The following DACH1 variants were observed in gnomAD, a reference collection of about 807,000 sequenced individuals.
DACH1 encodes dachshund family transcription factor 1, also known as dachshund homolog 1.
DACH1 carries 12 observed loss-of-function variants against 54.2 expected under a neutral mutation model. The ratio of observed to expected loss-of-function variants is 0.22; its 90% CI spans 0.14 to 0.36. The LOEUF is 0.36. Ranked by LOEUF, DACH1 falls within the 10% of genes least tolerant of loss-of-function variation. The pLI is 1.00. For missense variants in DACH1, 805 were observed against 929.8 expected, an observed-to-expected ratio of 0.87 and a Z score of 1.75; for synonymous variants, 386 against 366.2, an observed-to-expected ratio of 1.05 and a Z score of -0.62.
chr13:71,479,320 T>A lies in DACH1; in HGVS notation c.1723-4A>T. On this transcript the variant is annotated splice_region_variant and splice_polypyrimidine_tract_variant and intron_variant, in intron 7 of 10. Transcript: ENST00000613252. ...CTATGGCAACTTTCAACAGCCCCTG[T>A]ACAAAGAAGATATTCGGAATGGTAA... is the stretch of plus-strand genomic sequence containing the variant. The A allele has an allele frequency of 6.2e-7, 1 of 1,603,160 alleles. No homozygotes were observed. The highest frequency in any genetic ancestry group is 8.5e-7 in the Non-Finnish European group (1 of 1,177,278).
intron 3 of DACH1, among the ~76,000 whole-genome samples, chr13:71,620,160 A>T (rs2138540045): frequency 2.0e-5 from 3 of 152,104 alleles, no homozygotes; most frequent in Admixed American, 2.0e-4. Context: ...TAATAAGGCC[A>T]TTTCCAAAAA....
At chr13:71,510,698 G>A (rs1345279031) in intron 6 of DACH1, among the ~76,000 whole-genome samples, 2 of 152,004 alleles carry the variant, frequency 1.3e-5, no homozygotes, top group East Asian at 3.9e-4. Flanking sequence ...TTTAAGGCTT[G>A]ATTCATGTAA....
intron 1 of DACH1, among the ~76,000 whole-genome samples, chr13:71,775,357 G>C (rs1886025186): frequency 6.6e-6 from 1 of 151,690 alleles, no homozygotes; most frequent in Admixed American, 6.6e-5. Context: ...ACAGATAACA[G>C]TTATTCTGGT....
chr13:71,856,687 GTCTT>G (rs1555329915), intron 1 of DACH1, among the ~76,000 whole-genome samples: 2 of 151,770 alleles, frequency 1.3e-5, no homozygotes, highest in African/African-American at 2.4e-5. Context: ...TTTTATAAGC[GTCTT>G]TCTATGTTGC....
In DACH1 at chr13:71,866,735, T is replaced by A; in HGVS notation, c.35A>T (p.Gln12Leu). The part of the protein sequence containing the change: ...AVPAALIPPT[Q>L]LVPPQPPIST... ...GATTGGGGGTTGAGGGGGGACCAGC[T>A]GGGTCGGAGGGATCAAAGCCGCCGG... Residue 12 changes from glutamine to leucine, a missense_variant, in exon 1 of 11, where the codon CAG (glutamine) becomes CTG (leucine). Physicochemically the swap from Gln to Leu is moderately radical, Grantham distance 113 (BLOSUM62 -2). This residue lies in a region of DACH1 where 305 missense variants were observed against 308.7 expected (regional missense o/e 0.99). Coordinates refer to ENST00000613252, the MANE Select transcript of DACH1 (RefSeq NM_080759.6). 1 of 1,432,666 alleles carries A rather than the reference T, an allele frequency of 7.0e-7. No individual in the cohort carries two copies. The highest frequency in any genetic ancestry group is 1.6e-5 in the South Asian group (1 of 60,736). The allele number at this position is 1,432,666 out of a possible 1,614,324, so 88.7% of individuals were successfully genotyped here.
At chr13:71,644,946 G>C (rs958439016) in intron 2 of DACH1, among the ~76,000 whole-genome samples, 2 of 152,164 alleles carry the variant, frequency 1.3e-5, no homozygotes, top group African/African-American at 4.8e-5. Context: ...GGAGACTTCT[G>C]AGAAGAGACC....
At chr13:71,553,549 T>TTA (rs1188595454) in intron 6 of DACH1, among the ~76,000 whole-genome samples, 55 of 145,930 alleles carry the variant, frequency 3.8e-4, no homozygotes, top group South Asian at 1.9e-3. Context: ...AACTTTTGTT[T>TTA]TATATATATA....
At chr13:71,769,080 A>G (rs1258481902) in intron 1 of DACH1, among the ~76,000 whole-genome samples, 3 of 151,814 alleles carry the variant, frequency 2.0e-5, no homozygotes, top group African/African-American at 7.2e-5. Context: ...TGCAACTTGT[A>G]TAAGCATTCA....
chr13:71,552,783 A>ATG (rs1883902873), intron 6 of DACH1, among the ~76,000 whole-genome samples: 2 of 113,340 alleles, frequency 1.8e-5, no homozygotes, highest in Non-Finnish European at 3.5e-5. Context: ...ATATATATAT[A>ATG]TGGATGTGAA....
At chr13:71,777,009 A>G (rs577138829) in intron 1 of DACH1, among the ~76,000 whole-genome samples, 1 of 152,238 alleles carries the variant, frequency 6.6e-6, no homozygotes, top group African/African-American at 2.4e-5. Context: ...GCCTATTCAT[A>G]GTTTTCTGTC....
intron 3 of DACH1, among the ~76,000 whole-genome samples, chr13:71,602,089 G>A (rs1472879589): frequency 2.0e-5 from 3 of 151,902 alleles, no homozygotes; most frequent in Non-Finnish European, 2.9e-5. Flanking sequence ...ATGGATACCT[G>A]ACCAGCTGGC....
In DACH1 at chr13:71,548,659, G is replaced by A. The variant is rs942079370; in HGVS notation, c.1570+8365C>T. Among the ~76,000 whole-genome samples, 8 of 152,226 alleles carry A rather than the reference G, an allele frequency of 5.3e-5. No individual in the cohort carries two copies. In the South Asian group the frequency reaches 6.2e-4, roughly 12 times the overall value. On this transcript the variant is annotated intron_variant, in intron 6 of 10. Coordinates refer to ENST00000613252, the MANE Select transcript of DACH1 (RefSeq NM_080759.6). ...CAGGCACTGTGTGGTGCTCACGCCTGTAATCTCAGCACTTTGGGATGCTGA... is the reference window on the plus strand; with the variant it reads ...CAGGCACTGTGTGGTGCTCACGCCTATAATCTCAGCACTTTGGGATGCTGA...
chr13:71,777,425 C>G (rs1203439562), intron 1 of DACH1, among the ~76,000 whole-genome samples: 1 of 152,006 alleles, frequency 6.6e-6, no homozygotes, highest in Non-Finnish European at 1.5e-5. Flanking sequence ...ACAAAATTTT[C>G]AAAAATTTTA....
intron 6 of DACH1, among the ~76,000 whole-genome samples, chr13:71,531,506 C>G (rs550419087): frequency 6.6e-6 from 1 of 151,988 alleles, no homozygotes; most frequent in African/African-American, 2.4e-5. Context: ...ACTTTATAAT[C>G]TCATATGAGA....
chr13:71,560,877 TAATA>T (rs1279980326), intron 4 of DACH1, among the ~76,000 whole-genome samples: 5 of 152,158 alleles, frequency 3.3e-5, no homozygotes, highest in African/African-American at 1.2e-4. Flanking sequence ...GTCTTTGTAA[TAATA>T]AATAGTTAAA....
intron 3 of DACH1, among the ~76,000 whole-genome samples, chr13:71,627,184 A>G (rs984914654): frequency 2.0e-5 from 3 of 151,936 alleles, no homozygotes; most frequent in African/African-American, 7.2e-5. Flanking sequence ...GCTAATTTCT[A>G]AGGTTCCTAT....
chr13:71,740,625 A>G (rs1305766858), intron 1 of DACH1, among the ~76,000 whole-genome samples: 1 of 152,170 alleles, frequency 6.6e-6, no homozygotes, highest in Non-Finnish European at 1.5e-5. Context: ...TCAGAGTTAA[A>G]GCATAAGGTA....
chr13:71,633,581 A>C (rs923017895), intron 2 of DACH1, among the ~76,000 whole-genome samples: 1 of 150,360 alleles, frequency 6.7e-6, no homozygotes, highest in African/African-American at 2.5e-5. Context: ...ACAAAGTCCA[A>C]AAGATATATG....
intron 6 of DACH1, among the ~76,000 whole-genome samples, chr13:71,516,992 A>G (rs1441068167): frequency 6.6e-6 from 1 of 151,748 alleles, no homozygotes; most frequent in Non-Finnish European, 1.5e-5. Flanking sequence ...ATACTCTCAT[A>G]TACCTTAGTG....
Sources: gnomAD v4.1 joint callset for allele counts (sites outside exome capture counted in the v4.1 genomes callset) on GRCh38, gnomAD v4.1.1 for gene constraint, gnomAD v4.1.1 regional missense constraint, MANE v1.5 for transcripts, NCBI Gene and HGNC (gene_info 2026-07-23, HGNC 2026-07-21) for gene names.